AGBL4: variants seen among roughly 807,000 people sequenced by gnomAD.
AGBL4 encodes the protein cytosolic carboxypeptidase 6.
In AGBL4, 58 loss-of-function variants were observed where a neutral mutation model predicts 66.4. That is an observed-to-expected ratio of 0.87 (90% confidence interval 0.71 to 1.09). AGBL4 has a LOEUF of 1.09. Among genes scored for constraint, AGBL4 ranks in the 50% least tolerant of loss-of-function variants. AGBL4 has a pLI of 0.00. For synonymous variants in AGBL4, 234 were observed against 222.9 expected (o/e 1.05, Z -0.44); for missense variants, 579 against 631.0 (o/e 0.92, Z 0.88).
chr1:49,888,700 T>A (rs1300570918), intron 1 of AGBL4, among the ~76,000 whole-genome samples: 2 of 152,084 alleles, frequency 1.3e-5, no homozygotes, highest in Non-Finnish European at 2.9e-5. Flanking sequence ...AAAAAATAAA[T>A]ATCTAATGAA....
At chr1:49,266,119 T>TG (rs1408435345) in intron 3 of AGBL4, 2 of 152,096 alleles carry the variant, frequency 1.3e-5, no homozygotes, top group African/African-American at 4.8e-5. Context: ...TCTTGTTAAC[T>TG]GGAAATTGTC....
chr1:49,938,005 C>G (rs1185438755), intron 1 of AGBL4, among the ~76,000 whole-genome samples: 2 of 150,594 alleles, frequency 1.3e-5, no homozygotes, highest in African/African-American at 4.9e-5. Context: ...CAGAGCAGAA[C>G]TGAAGAAAAT....
At chr1:49,774,104 C>G (rs1375486737) in intron 2 of AGBL4, among the ~76,000 whole-genome samples, 1 of 152,198 alleles carries the variant, frequency 6.6e-6, no homozygotes, top group East Asian at 1.9e-4. Context: ...GTCTCATGAG[C>G]AAGGGTGTCA....
chr1:49,355,844 C>A (rs1466338749), intron 3 of AGBL4, among the ~76,000 whole-genome samples: 1 of 152,108 alleles, frequency 6.6e-6, no homozygotes, highest in Non-Finnish European at 1.5e-5. Context: ...AAGCAAAGAG[C>A]AATGAGTATG....
chr1:48,736,436 C>T lies in AGBL4; in HGVS notation c.635-73195G>A. Reference sequence around the variant, plus strand: ...CCATTTCTCCTCATCAACCCAAATCCCGCTTCCCAGATGGACCTGAGAGGA... The same window carrying T: ...CCATTTCTCCTCATCAACCCAAATCTCGCTTCCCAGATGGACCTGAGAGGA... On this transcript the variant is annotated intron_variant, in intron 6 of 13. Transcript: ENST00000371839. This position sits in a 1 kb window ranked among gnomAD's most constrained non-coding sequence, Gnocchi z 4.0. 1.2e-6 allele frequency: 2 copies of T among 1,614,148 alleles called. No individual in the cohort carries two copies. The highest frequency in any genetic ancestry group is 1.3e-5 in the African/African-American group (1 of 75,042).
chr1:49,838,238 C>T (rs1376682821), intron 2 of AGBL4, among the ~76,000 whole-genome samples: 1 of 152,150 alleles, frequency 6.6e-6, no homozygotes, highest in Non-Finnish European at 1.5e-5. Flanking sequence ...GGCTATCCAA[C>T]AATGATGATA....
chr1:49,500,922 G>T (rs1648094556), intron 3 of AGBL4, among the ~76,000 whole-genome samples: 2 of 151,936 alleles, frequency 1.3e-5, no homozygotes, highest in Non-Finnish European at 2.9e-5. Context: ...AAATGATGAT[G>T]GTATTTTGAT....
chr1:48,545,649 G>A (rs987237266), intron 11 of AGBL4, among the ~76,000 whole-genome samples: 1 of 152,142 alleles, frequency 6.6e-6, no homozygotes, highest in Admixed American at 6.5e-5. Context: ...TTCCTGTGTA[G>A]GTCATTGATC....
At chr1:48,703,267 A>G (rs1235398578) in intron 6 of AGBL4, among the ~76,000 whole-genome samples, 1 of 152,190 alleles carries the variant, frequency 6.6e-6, no homozygotes, top group Non-Finnish European at 1.5e-5. Context: ...GGAAGCTGAA[A>G]GTAAGACAAT....
intron 3 of AGBL4, among the ~76,000 whole-genome samples, chr1:49,559,446 A>G (rs1007842844): frequency 6.6e-6 from 1 of 152,166 alleles, no homozygotes; most frequent in Non-Finnish European, 1.5e-5. Context: ...TGAAGGATGC[A>G]AAGTATTGTT....
At chr1:49,207,466 TTC>T (rs1165408607) in intron 4 of AGBL4, among the ~76,000 whole-genome samples, 32 of 3,002 alleles carry the variant, frequency 0.011, no homozygotes, top group African/African-American at 0.018. Flanking sequence ...TTTTCTTTCT[TTC>T]TCTTTCTTTC....
intron 11 of AGBL4, among the ~76,000 whole-genome samples, chr1:48,567,254 T>C (rs1644492109): frequency 6.6e-6 from 1 of 152,220 alleles, no homozygotes; most frequent in Non-Finnish European, 1.5e-5. Context: ...TGCTAAATCT[T>C]ATTATCAAGG....
chr1:49,905,016 G>C (rs1331691267), intron 1 of AGBL4, among the ~76,000 whole-genome samples: 1 of 152,052 alleles, frequency 6.6e-6, no homozygotes, highest in African/African-American at 2.4e-5. Flanking sequence ...ATTCAATTTT[G>C]ACAAAGCAAA....
intron 3 of AGBL4, among the ~76,000 whole-genome samples, chr1:49,671,356 T>C (rs1394357873): frequency 6.6e-6 from 1 of 152,110 alleles, no homozygotes; most frequent in Non-Finnish European, 1.5e-5. Context: ...AAGACTTAGA[T>C]GTAAAACCCC....
intron 4 of AGBL4, among the ~76,000 whole-genome samples, chr1:49,144,813 T>C (rs996644766): frequency 2.0e-5 from 3 of 152,194 alleles, no homozygotes; most frequent in South Asian, 4.1e-4. Flanking sequence ...GGTTAGGCTC[T>C]GAAGGAAGAG....
intron 1 of AGBL4, chr1:49,865,969 G>A (rs763336140): frequency 1.6e-5 from 6 of 386,262 alleles, no homozygotes; most frequent in South Asian, 1.2e-4. Context: ...GCAACCACAA[G>A]TATCAACAAC....
At chr1:48,758,934 C>T (rs1197629475) in intron 6 of AGBL4, 3 of 1,570,806 alleles carry the variant, frequency 1.9e-6, no homozygotes, top group South Asian at 2.4e-5. Context: ...CGTCCTGGAG[C>T]CTCCGGTTAA....
At chr1:48,943,970 G>T (rs1389456661) in intron 5 of AGBL4, among the ~76,000 whole-genome samples, 1 of 152,146 alleles carries the variant, frequency 6.6e-6, no homozygotes, top group East Asian at 1.9e-4. Flanking sequence ...GGGCTAGACG[G>T]GTTAGATGGC....
rs368910213 is a variant in AGBL4, at chr1:49,219,064, A to G, written c.377+26706T>C. 3.1e-4 allele frequency among the ~76,000 whole-genome samples: 47 copies of G among 152,204 alleles called. 1 individual carries two copies. The East Asian group carries it at 5.6e-3, about 18-fold the overall frequency. On this transcript the variant is annotated intron_variant, in intron 4 of 13. Coordinates refer to ENST00000371839, the MANE Select transcript of AGBL4 (RefSeq NM_032785.4). ...ATCAGCAGCATTGGAATGGACTAAT[A>G]CACCCTCCATGGCTCCCATGGCTGG... is the stretch of plus-strand genomic sequence containing the variant.
Sources: allele counts gnomAD v4.1 joint callset (sites outside exome capture counted in the v4.1 genomes callset), GRCh38; gene constraint gnomAD v4.1.1; non-coding constraint Gnocchi (gnomAD v3.1); transcripts MANE v1.5; gene names NCBI Gene and HGNC (gene_info 2026-07-23, HGNC 2026-07-21).